Variants in CLCA4 observed in about 807,000 individuals in gnomAD.
The protein encoded by CLCA4 is calcium-activated chloride channel regulator 4.
CLCA4 carries 69 observed loss-of-function variants against 78.9 expected under a neutral mutation model. The observed-to-expected ratio is 0.87, with a 90% CI of 0.72 to 1.07. CLCA4 has a LOEUF of 1.07. Among genes scored for constraint, CLCA4 ranks in the 50% least tolerant of loss-of-function variants. The pLI, the probability that CLCA4 is intolerant of heterozygous loss-of-function variation, is 0.00. For synonymous variants in CLCA4, 362 were observed against 375.8 expected, an observed-to-expected ratio of 0.96 and a Z score of 0.42; for missense variants, 1,133 against 1,095.8, an observed-to-expected ratio of 1.03 and a Z score of -0.48.
intron 1 of CLCA4, among the ~76,000 whole-genome samples, chr1:86,556,986 G>C (rs1649868190): frequency 6.6e-6 from 1 of 152,120 alleles, no homozygotes; most frequent in Non-Finnish European, 1.5e-5. Flanking sequence ...GTCTTTAGAG[G>C]TGTTCATAGT....
intron 9 of CLCA4, among the ~76,000 whole-genome samples, 189 bp from the exon 10 acceptor site, chr1:86,574,351 C>G (rs1570336167): frequency 6.6e-6 from 1 of 152,066 alleles, no homozygotes. Context: ...TGTTTCTGCT[C>G]TAAGTCTCTT....
intron 1 of CLCA4, among the ~76,000 whole-genome samples, chr1:86,550,264 GATA>G (rs1009668719): frequency 9.9e-5 from 15 of 152,160 alleles, no homozygotes; most frequent in Admixed American, 9.2e-4. Flanking sequence ...TTCATGAGAA[GATA>G]ATAATTCATT....
At chr1:86,553,809 G>T (rs1649744707) in intron 1 of CLCA4, among the ~76,000 whole-genome samples, 1 of 151,982 alleles carries the variant, frequency 6.6e-6, no homozygotes, top group Admixed American at 6.6e-5. Flanking sequence ...AGTGGCAGGC[G>T]CCTGTAATTC....
rs1191411266 is a variant in CLCA4, at chr1:86,552,918, C to T, written c.159+5640C>T. ...AGGGCCATCCATCTCCCAGACGCTCCTCCCTCTGCGGGTGCCTCGGCGTCT... is the reference window on the plus strand; with the variant it reads ...AGGGCCATCCATCTCCCAGACGCTCTTCCCTCTGCGGGTGCCTCGGCGTCT... On this transcript the variant is annotated intron_variant, in intron 1 of 13. Coordinates refer to ENST00000370563, the MANE Select transcript of CLCA4 (RefSeq NM_012128.4). The T allele has an allele frequency of 1.8e-5, 12 of 668,170 alleles. No homozygotes were observed. The Admixed American group carries it at 2.7e-4, about 15-fold the overall frequency. The allele number at this position is 668,170 out of a possible 1,614,324, so 41.4% of individuals were successfully genotyped here. A position where few individuals can be genotyped will look rare whatever the true frequency, so the allele number is the denominator to read the frequency against.
At chr1:86,572,948 A>G (rs1449771709) in intron 9 of CLCA4, 1 of 501,166 alleles carries the variant, frequency 2.0e-6, no homozygotes, top group Non-Finnish European at 3.6e-6. Flanking sequence ...TCCTATTGCC[A>G]TGGGTTTGGT....
At position 86,547,158 on chromosome 1, in the gene CLCA4, G is replaced by A; in HGVS notation, c.39G>A (p.Leu13=). 4 of 1,609,606 alleles carry A rather than the reference G, an allele frequency of 2.5e-6. No individual in the cohort carries two copies. The highest frequency in any genetic ancestry group is 3.4e-6 in the Non-Finnish European group (4 of 1,178,816). ...LFRGFVFLLV[L]CLLHQSNTSF... is the part of the protein sequence containing the mutation. Reference sequence around the variant, plus strand: ...GAGGTTTTGTTTTCCTCTTAGTTCTGTGCCTGCTGCACCAGTCAAATACTT... The same window carrying A: ...GAGGTTTTGTTTTCCTCTTAGTTCTATGCCTGCTGCACCAGTCAAATACTT... Residue 13 remains leucine (L), a synonymous_variant, in exon 1 of 14, where the codon CTG becomes CTA. Transcript: ENST00000370563.
intron 7 of CLCA4, among the ~76,000 whole-genome samples, chr1:86,568,360 C>T (rs982050929): frequency 7.4e-5 from 11 of 148,376 alleles, no homozygotes; most frequent in African/African-American, 2.7e-4. Context: ...ACTTCATATA[C>T]TATATATACT....
In CLCA4 at chr1:86,565,404, G is replaced by A. The variant is rs749747365; in HGVS notation, c.688G>A (p.Val230Ile). Residue 230 changes from valine (V) to isoleucine (I), a missense_variant, in exon 5 of 14, where the codon GTA becomes ATA. Val to Ile is a conservative substitution (Grantham distance 29). Coordinates refer to ENST00000370563, the MANE Select transcript of CLCA4 (RefSeq NM_012128.4). ...GKDCQFFPDK[V>I]QTEKASIMFM... Reference sequence around the variant, plus strand: ...AGATTGTCAATTCTTTCCTGATAAAGTACAAACAGAAAAAGCATCCATAAT... The same window carrying A: ...AGATTGTCAATTCTTTCCTGATAAAATACAAACAGAAAAAGCATCCATAAT... 5 of 1,607,288 alleles carry A rather than the reference G, an allele frequency of 3.1e-6. No individual in the cohort carries two copies. Among genetic ancestry groups the A allele is most frequent in the Non-Finnish European group, 4.3e-6 (5 of 1,176,236 alleles).
intron 1 of CLCA4, among the ~76,000 whole-genome samples, chr1:86,552,462 GTTGCAGACCCTGCTGATGATGGTCTGT>G (rs948560000): frequency 1.3e-5 from 2 of 152,234 alleles, no homozygotes; most frequent in African/African-American, 4.8e-5. Context: ...CGGGCCTGGG[GTTGCAGACCCTGCTGATGATGGTCTGT>G]TCTGGGATTT....
At position 86,575,539 on chromosome 1, in the gene CLCA4, G is replaced by C. The variant is rs752619740; in HGVS notation, c.1891G>C (p.Ala631Pro). 1 of 1,613,252 alleles carries C rather than the reference G, an allele frequency of 6.2e-7. No individual in the cohort carries two copies. Among genetic ancestry groups the C allele is most frequent in the Non-Finnish European group, 8.5e-7 (1 of 1,179,438 alleles). Residue 631 changes from alanine to proline, a missense_variant, in exon 11 of 14, where the codon GCT (alanine) becomes CCT (proline). Ala to Pro is a conservative substitution (Grantham distance 27). Coordinates refer to ENST00000370563, the MANE Select transcript of CLCA4 (RefSeq NM_012128.4). ...YVPVLGANVT[A>P]FIESQNGHTE... is the part of the protein sequence containing the mutation. ...ACCTGTTCTTGGAGCCAATGTGACTGCTTTCATTGAATCACAGAATGGACA... is the reference window on the plus strand; with the variant it reads ...ACCTGTTCTTGGAGCCAATGTGACTCCTTTCATTGAATCACAGAATGGACA...
chr1:86,579,298 A>T, intron 12 of CLCA4, 56 bp from the exon 13 acceptor site: 2 of 1,263,002 alleles, frequency 1.6e-6, no homozygotes, highest in African/African-American at 2.9e-5. Flanking sequence ...GATTCACTGA[A>T]TTATAATAAA....
At chr1:86,553,276 C>G in intron 1 of CLCA4, 1 of 781,356 alleles carries the variant, frequency 1.3e-6, no homozygotes, top group South Asian at 1.6e-5. Flanking sequence ...GTCTTCAAGC[C>G]GGCCAGGGCT....
chr1:86,553,850 C>A (rs538059716), intron 1 of CLCA4, among the ~76,000 whole-genome samples: 1 of 151,992 alleles, frequency 6.6e-6, no homozygotes, highest in Non-Finnish European at 1.5e-5. Context: ...GCAGGAGAAT[C>A]GCTTGAACCC....
rs1558198451 is a variant in CLCA4, at chr1:86,575,502, A to G, written c.1854A>G (p.Leu618=). ...PSPMIVYAEI[L]QGYVPVLGAN... ...CAATGATTGTTTACGCAGAAATTCTACAAGGATATGTACCTGTTCTTGGAG... is the reference window on the plus strand; with the variant it reads ...CAATGATTGTTTACGCAGAAATTCTGCAAGGATATGTACCTGTTCTTGGAG... The change falls in exon 11 of 14, where the codon CTA becomes CTG. Residue 618 remains leucine, a synonymous_variant. Coordinates refer to ENST00000370563, the MANE Select transcript of CLCA4 (RefSeq NM_012128.4). 4.3e-6 allele frequency: 7 copies of G among 1,613,498 alleles called. No homozygotes were observed. Among genetic ancestry groups the G allele is most frequent in the African/African-American group, 1.3e-5 (1 of 75,016 alleles).
At chr1:86,551,554 A>T (rs1323170689) in intron 1 of CLCA4, among the ~76,000 whole-genome samples, 1 of 152,212 alleles carries the variant, frequency 6.6e-6, no homozygotes, top group Non-Finnish European at 1.5e-5. Flanking sequence ...GCCATGAATG[A>T]CAGGGATTCG....
At position 86,556,163 on chromosome 1, in the gene CLCA4, C is replaced by T. The variant is rs553915186; in HGVS notation, c.160-3769C>T. On this transcript the variant is annotated intron_variant, in intron 1 of 13. Transcript: ENST00000370563. ...TCATAATCAAAGAGGGATAGTTTGA[C>T]TCCCTCTCTTCCTATTTGGATGCCC... is the stretch of plus-strand genomic sequence containing the variant. Among the ~76,000 whole-genome samples, 27 of 152,346 alleles carry T rather than the reference C, an allele frequency of 1.8e-4. No individual in the cohort carries two copies. The South Asian group carries it at 5.6e-3, about 32-fold the overall frequency.
At chr1:86,564,054 C>G (rs1341775287) in intron 4 of CLCA4, among the ~76,000 whole-genome samples, 3 of 152,066 alleles carry the variant, frequency 2.0e-5, no homozygotes, top group Non-Finnish European at 4.4e-5. Flanking sequence ...ATACAATATG[C>G]TGGGATAAGA....
At chr1:86,568,617 C>T (rs1434345759) in intron 7 of CLCA4, among the ~76,000 whole-genome samples, 2 of 151,808 alleles carry the variant, frequency 1.3e-5, no homozygotes, top group African/African-American at 4.8e-5. Context: ...TCTTTCCTGC[C>T]TTATTTACTC....
chr1:86,551,228 A>T (rs544746174), intron 1 of CLCA4, among the ~76,000 whole-genome samples: 1 of 152,148 alleles, frequency 6.6e-6, no homozygotes, highest in Non-Finnish European at 1.5e-5. Flanking sequence ...TTCGTTCATT[A>T]TGTTATTTTT....
Sources: allele counts gnomAD v4.1 joint callset (sites outside exome capture counted in the v4.1 genomes callset), GRCh38; gene constraint gnomAD v4.1.1; transcripts MANE v1.5; gene names NCBI Gene and HGNC (gene_info 2026-07-23, HGNC 2026-07-21).